The following TMEM39A variants were observed in gnomAD, a reference collection of about 807,000 sequenced individuals.
TMEM39A encodes suppressor of SQST-1 aggregates in rpl-43 mutants.
Under a neutral mutation model 51.9 loss-of-function variants are expected in TMEM39A, and 19 were observed. That is an observed-to-expected ratio of 0.37 (90% CI 0.26 to 0.54). The LOEUF is 0.54. TMEM39A is among the 20% of genes least tolerant of loss of function. TMEM39A has a pLI of 0.88. For missense variants in TMEM39A, 433 were observed against 590.5 expected, an observed-to-expected ratio of 0.73 and a Z score of 2.76; for synonymous variants, 197 against 220.2, an observed-to-expected ratio of 0.89 and a Z score of 0.93.
rs2081346010 is a variant in TMEM39A, at chr3:119,462,047, G to A, written c.28C>T (p.Arg10Trp). 2 of 1,613,870 alleles carry A rather than the reference G, an allele frequency of 1.2e-6. No individual in the cohort carries two copies. Among genetic ancestry groups the A allele is most frequent in the Admixed American group, 1.7e-5 (1 of 59,968 alleles). The change falls in exon 2 of 9, where the codon CGG becomes TGG. Residue 10 changes from arginine to tryptophan, a missense_variant. Arg to Trp is a moderately radical substitution (Grantham distance 101). Coordinates refer to ENST00000319172, the MANE Select transcript of TMEM39A (RefSeq NM_018266.3). ...AAAGCTGAACGGCTTAGCTGTTGCC[G>A]ACTAGGGCCCCTCCTTCCACCGGGC... MPGGRRGPSRQQLSRSALPS... is the reference protein window; with the variant it reads MPGGRRGPSWQQLSRSALPS...
Position 119,428,999 on chromosome 3 carries a change from ATTG to A in TMEM39A, c.*2979_*2981del, listed in dbSNP as rs1433354325. ...CACTTTATTGGGCTTCACACTCAAG[ATTG>A]TTAATAGATCTGATATCTATTACGT... On this transcript the variant is annotated 3_prime_UTR_variant, in exon 9 of 9. Transcript: ENST00000319172. Among the ~76,000 whole-genome samples the A allele has an allele frequency of 2.6e-5, 4 of 152,138 alleles. No individual in the cohort carries two copies. The highest frequency in any genetic ancestry group is 5.9e-5 in the Non-Finnish European group (4 of 68,002).
chr3:119,451,740 A>G (rs576013416), intron 4 of TMEM39A, among the ~76,000 whole-genome samples: 1 of 149,040 alleles, frequency 6.7e-6, no homozygotes, highest in East Asian at 2.0e-4. Context: ...TGAGGCAGGA[A>G]AATCGCTTGT....
intron 3 of TMEM39A, among the ~76,000 whole-genome samples, chr3:119,455,929 T>C (rs1022226177): frequency 4.6e-5 from 7 of 152,338 alleles, no homozygotes; most frequent in Non-Finnish European, 8.8e-5. Flanking sequence ...ACTTGGGCAC[T>C]CACTATGCCG....
intron 2 of TMEM39A, 97 bp from the exon 3 acceptor site, chr3:119,458,337 G>T: frequency 1.0e-6 from 1 of 995,776 alleles, no homozygotes; most frequent in Non-Finnish European, 1.5e-6. Context: ...CCCCTTCACT[G>T]TCTGCTTTCC....
intron 7 of TMEM39A, chr3:119,435,345 A>G (rs2080953915): frequency 1.0e-6 from 1 of 985,266 alleles, no homozygotes; most frequent in Non-Finnish European, 1.2e-6. Context: ...ATCCCAAAAA[A>G]CTATAGGAAA....
chr3:119,434,630 C>A (rs185594269), intron 8 of TMEM39A, 132 bp downstream of exon 8: 1 of 1,330,384 alleles, frequency 7.5e-7, no homozygotes, highest in South Asian at 1.4e-5. Flanking sequence ...ACCACTGTTA[C>A]GCTAGTAGCA....
At chr3:119,436,457 A>T (rs2080968994) in intron 7 of TMEM39A, 1 of 187,286 alleles carries the variant, frequency 5.3e-6, no homozygotes, top group Admixed American at 5.6e-5. Context: ...CAAATCTTAA[A>T]GTCTTCTAAA....
rs11410721 is a variant in TMEM39A, at chr3:119,435,676, T to TAAA, written c.1113-797_1113-795dup. 3.1e-5 allele frequency: 29 copies of TAAA among 931,876 alleles called. No individual in the cohort carries two copies. The African/African-American group carries it at 4.6e-4, about 15-fold the overall frequency. 57.7% of individuals were successfully genotyped at this position (931,876 alleles called of 1,614,324 possible). On this transcript the variant is annotated intron_variant, in intron 7 of 8. Coordinates refer to ENST00000319172, the MANE Select transcript of TMEM39A (RefSeq NM_018266.3). The stretch of plus-strand genomic sequence containing the variant: ...CTGGGAGGCAGTTTAGATATGTTAT[T>TAAA]AAAAAAAAAAAAAAAAATTCTAGCA...
rs1407474566 is a variant in TMEM39A, at chr3:119,447,090, C to G, written c.503G>C (p.Trp168Ser). The G allele has an allele frequency of 6.2e-7, 1 of 1,614,096 alleles. No individual in the cohort carries two copies. Among genetic ancestry groups the G allele is most frequent in the African/African-American group, 1.3e-5 (1 of 75,020 alleles). The change falls in exon 5 of 9, where the codon TGG becomes TCG. Residue 168 changes from tryptophan to serine, a missense_variant. Trp to Ser is a radical substitution (Grantham distance 177). Around this residue, in one of 3 missense-constraint regions of TMEM39A, gnomAD observed 170 missense variants for 239.8 expected, o/e 0.71. Coordinates refer to ENST00000319172, the MANE Select transcript of TMEM39A (RefSeq NM_018266.3). ...ARLVLLTLCG[W>S]VLCWTLVNLF... is the part of the protein sequence containing the mutation. Reference sequence around the variant, plus strand: ...ATTGACGAGGGTCCAACAAAGTACCCATCCACACAAAGTGAGTAGTACCAA... The same window carrying G: ...ATTGACGAGGGTCCAACAAAGTACCGATCCACACAAAGTGAGTAGTACCAA...
chr3:119,435,457 T>C, intron 7 of TMEM39A: 1 of 980,088 alleles, frequency 1.0e-6, no homozygotes, highest in Non-Finnish European at 1.2e-6. Flanking sequence ...TTTTCACTGC[T>C]TTCATGGTTT....
intron 5 of TMEM39A, among the ~76,000 whole-genome samples, chr3:119,442,606 T>C (rs891331427): frequency 1.3e-4 from 20 of 152,196 alleles, no homozygotes; most frequent in African/African-American, 4.8e-4. Flanking sequence ...CTAAATGCCA[T>C]TGAGAACATT....
chr3:119,447,154 C>T lies in TMEM39A; in HGVS notation c.439G>A (p.Ala147Thr). 5 of 1,612,122 alleles carry T rather than the reference C, an allele frequency of 3.1e-6. No homozygotes were observed. Among genetic ancestry groups the T allele is most frequent in the South Asian group, 1.1e-5 (1 of 90,326 alleles). ...LISEATKAGA[A>T]SMIHYMVLIS... ...AGAACCATGTAGTGAATCATTGATG[C>T]TGCACCTGCCTTAGTAGCCTGAAAG... The change falls in exon 5 of 9, where the codon GCA (alanine) becomes ACA (threonine). Residue 147 changes from alanine to threonine, a missense_variant. Physicochemically the swap from Ala to Thr is moderately conservative, Grantham distance 58. Transcript: ENST00000319172.
At chr3:119,440,739 A>C (rs1311741586) in intron 5 of TMEM39A, among the ~76,000 whole-genome samples, 1 of 152,194 alleles carries the variant, frequency 6.6e-6, no homozygotes, top group African/African-American at 2.4e-5. Flanking sequence ...TTTAGATAAA[A>C]GGTGGATTAT....
chr3:119,455,412 G>A (rs1455045134), intron 3 of TMEM39A, among the ~76,000 whole-genome samples: 1 of 152,196 alleles, frequency 6.6e-6, no homozygotes, highest in African/African-American at 2.4e-5. Flanking sequence ...TCAGATAAGT[G>A]AGCCAATCTA....
intron 4 of TMEM39A, among the ~76,000 whole-genome samples, chr3:119,449,826 A>AG (rs140878010): frequency 0.025 from 3,871 of 152,306 alleles, 69 homozygotes; most frequent in Non-Finnish European, 0.037. Flanking sequence ...CAAGTATAGA[A>AG]GTAGAGTTAG....
chr3:119,457,297 G>C (rs2081279373), intron 3 of TMEM39A, among the ~76,000 whole-genome samples: 1 of 152,220 alleles, frequency 6.6e-6, no homozygotes, highest in African/African-American at 2.4e-5. Flanking sequence ...TAAATGGAAA[G>C]AGAACAGAAG....
At chr3:119,462,919 C>T (rs1352635168) in intron 1 of TMEM39A, among the ~76,000 whole-genome samples, 1 of 149,026 alleles carries the variant, frequency 6.7e-6, no homozygotes, top group African/African-American at 2.5e-5. Flanking sequence ...CTCTTTTCAT[C>T]ATTCTACGGC....
intron 4 of TMEM39A, chr3:119,451,405 T>C (rs2081196802): frequency 2.5e-6 from 2 of 814,040 alleles, no homozygotes; most frequent in Non-Finnish European, 3.5e-6. Flanking sequence ...CACTGAATTA[T>C]AAGTTCCAAG....
intron 4 of TMEM39A, among the ~76,000 whole-genome samples, chr3:119,450,826 C>CA (rs60326718): frequency 0.34 from 19,163 of 55,868 alleles, 5,696 homozygotes; most frequent in Non-Finnish European, 0.41. Flanking sequence ...GACTCCATCT[C>CA]AAAAAAAAAA....
Sources: gnomAD v4.1 joint callset for allele counts (sites outside exome capture counted in the v4.1 genomes callset) on GRCh38, gnomAD v4.1.1 for gene constraint, gnomAD v4.1.1 regional missense constraint, MANE v1.5 for transcripts, NCBI Gene and HGNC (gene_info 2026-07-23, HGNC 2026-07-21) for gene names.